The following EPB41L1 variants were observed in gnomAD, a reference collection of about 807,000 sequenced individuals.
EPB41L1 encodes band 4.1-like protein 1.
A neutral mutation model predicts 97.8 loss-of-function variants in EPB41L1; 29 were observed. The ratio of observed to expected loss-of-function variants is 0.30; its 90% confidence interval spans 0.22 to 0.40. EPB41L1 has a LOEUF of 0.40. EPB41L1 is among the 10% of genes least tolerant of loss of function. The pLI is 1.00. For synonymous variants in EPB41L1, 383 were observed against 459.2 expected (o/e 0.83, Z 2.12); for missense variants, 812 against 1,162.3 (o/e 0.70, Z 4.38).
At chr20:36,100,805 A>G (rs113083975) in intron 1 of EPB41L1, among the ~76,000 whole-genome samples, 3,189 of 152,258 alleles carry the variant, frequency 0.021, 117 homozygotes, top group African/African-American at 0.073. Context: ...TTGACTCTGA[A>G]AGAAGGGCTT....
chr20:36,187,654 G>T, intron 7 of EPB41L1, 22 bp from the exon 8 acceptor site: 4 of 1,608,610 alleles, frequency 2.5e-6, no homozygotes, highest in Non-Finnish European at 3.4e-6. Context: ...TTGGTCACCT[G>T]TGATCACTTT....
intron 1 of EPB41L1, among the ~76,000 whole-genome samples, chr20:36,157,085 G>A (rs897231476): frequency 2.6e-5 from 4 of 152,158 alleles, no homozygotes; most frequent in African/African-American, 7.2e-5. Flanking sequence ...TTAGCTGGGC[G>A]TGGTAGTGCA....
At chr20:36,182,758 C>A (rs931246290) in intron 6 of EPB41L1, among the ~76,000 whole-genome samples, 45 of 152,172 alleles carry the variant, frequency 3.0e-4, no homozygotes, top group African/African-American at 1.1e-3. Flanking sequence ...TTTAAAAAAA[C>A]ATAGCATGGG....
chr20:36,118,288 G>A (rs536191312), intron 2 of EPB41L1, among the ~76,000 whole-genome samples: 5 of 152,024 alleles, frequency 3.3e-5, no homozygotes, highest in East Asian at 1.9e-4. Flanking sequence ...GACCTGGGAG[G>A]TGGAGGTTGC....
At chr20:36,111,957 CT>C (rs2058419215) in intron 1 of EPB41L1, among the ~76,000 whole-genome samples, 1 of 152,152 alleles carries the variant, frequency 6.6e-6, no homozygotes, top group Non-Finnish European at 1.5e-5. Context: ...GCTCTCCCTT[CT>C]CCCCATACAT....
intron 1 of EPB41L1, among the ~76,000 whole-genome samples, chr20:36,159,259 CT>C (rs983036816): frequency 5.3e-5 from 8 of 152,172 alleles, no homozygotes; most frequent in African/African-American, 1.9e-4. Context: ...TGAATTATTT[CT>C]TTTGAATAAA....
chr20:36,229,153 G>C (rs2064363343), intron 21 of EPB41L1, among the ~76,000 whole-genome samples, 179 bp from the exon 22 acceptor site: 1 of 152,042 alleles, frequency 6.6e-6, no homozygotes, highest in Non-Finnish European at 1.5e-5. Flanking sequence ...TGGGATTACA[G>C]GTGCAAGTCA....
At position 36,188,641 on chromosome 20, in the gene EPB41L1, C is replaced by CAGAG. The variant is rs112151910; in HGVS notation, c.1026+167_1026+170dup. On this transcript the variant is annotated intron_variant, in intron 9 of 21. Coordinates refer to ENST00000338074, the MANE Select transcript of EPB41L1 (RefSeq NM_012156.2). ...ACACACACACACACACACACACACACAGAGAGAGAGAGAGAGAGAGAGAGA... is the reference window on the plus strand; with the variant it reads ...ACACACACACACACACACACACACACAGAGAGAGAGAGAGAGAGAGAGAGAGAGA... 59 of 273,778 alleles carry CAGAG rather than the reference C, an allele frequency of 2.2e-4. No individual in the cohort carries two copies. In the East Asian group the frequency reaches 2.2e-3, roughly 10 times the overall value. 17.0% of individuals were successfully genotyped at this position (273,778 alleles called of 1,614,324 possible). A position where few individuals can be genotyped will look rare whatever the true frequency, so the allele number is the denominator to read the frequency against.
intron 1 of EPB41L1, among the ~76,000 whole-genome samples, chr20:36,170,646 G>GGCA (rs749708915): frequency 7.2e-5 from 11 of 152,164 alleles, no homozygotes; most frequent in Non-Finnish European, 1.3e-4. Flanking sequence ...GTTTGCTTGA[G>GGCA]GCAGCCAAGT....
chr20:36,112,645 T>C (rs1340948291), intron 2 of EPB41L1, among the ~76,000 whole-genome samples: 1 of 152,244 alleles, frequency 6.6e-6, no homozygotes, highest in Non-Finnish European at 1.5e-5. Context: ...GGGGCCATGC[T>C]GGGGACCCTC....
intron 1 of EPB41L1, among the ~76,000 whole-genome samples, chr20:36,166,966 G>A (rs560270539): frequency 6.6e-6 from 1 of 152,290 alleles, no homozygotes; most frequent in East Asian, 1.9e-4. Flanking sequence ...ATAGATAGTG[G>A]TGATTTTTGC....
chr20:36,207,838 C>CGCAT lies in EPB41L1; in HGVS notation c.1669-1647_1669-1644dup. 11 of 1,244,220 alleles carry CGCAT rather than the reference C, an allele frequency of 8.8e-6. No homozygotes were observed. The highest frequency in any genetic ancestry group is 1.0e-5 in the Non-Finnish European group (10 of 965,626). 77.1% of individuals were successfully genotyped at this position (1,244,220 alleles called of 1,614,324 possible). A position where few individuals can be genotyped will look rare whatever the true frequency, so the allele number is the denominator to read the frequency against. On this transcript the variant is annotated intron_variant, in intron 14 of 21. Transcript: ENST00000338074. This position sits in a 1 kb window ranked among gnomAD's most constrained non-coding sequence, Gnocchi z 4.9. The stretch of plus-strand genomic sequence containing the variant: ...CTGCTCCCCGCCCATGGGGGCTGGC[C>CGCAT]GCATGCTCTGTAGTTTTTAGAAGCA...
chr20:36,099,766 A>G (rs949477079), intron 1 of EPB41L1, among the ~76,000 whole-genome samples: 4 of 152,176 alleles, frequency 2.6e-5, no homozygotes, highest in African/African-American at 7.2e-5. Flanking sequence ...GGTAATTGGA[A>G]CACCTTATCT....
chr20:36,106,067 T>G (rs1053512938), intron 1 of EPB41L1, among the ~76,000 whole-genome samples: 1 of 149,852 alleles, frequency 6.7e-6, no homozygotes, highest in Admixed American at 6.6e-5. Context: ...TTAGGGGAGG[T>G]GTGGGGGAGG....
intron 2 of EPB41L1, among the ~76,000 whole-genome samples, chr20:36,130,706 A>G (rs1194157302): frequency 1.3e-5 from 2 of 151,922 alleles, no homozygotes; most frequent in Non-Finnish European, 2.9e-5. Context: ...TGCTATGCCA[A>G]CCTTTAACCC....
At chr20:36,101,155 G>T (rs1601209788) in intron 1 of EPB41L1, among the ~76,000 whole-genome samples, 1 of 152,176 alleles carries the variant, frequency 6.6e-6, no homozygotes, top group African/African-American at 2.4e-5. Context: ...GCTCAGTGAC[G>T]GGTGGAACTC....
chr20:36,122,833 AGACAGCCACGTTGTAT>A (rs2058799124), intron 2 of EPB41L1: 1 of 152,154 alleles, frequency 6.6e-6, no homozygotes, highest in South Asian at 2.1e-4. Flanking sequence ...AGTGATCCTC[AGACAGCCACGTTGTAT>A]GATTCTAGTT....
rs561886784 is a variant in EPB41L1, at chr20:36,117,430, T to A, written c.-10+4950T>A. ...GGCAGAGGACAGAAGAATTCTTTCA[T>A]AATTCTTCTGTCCTTAGGATCCTTC... On this transcript the variant is annotated intron_variant, in intron 2 of 19. Coordinates refer to the EPB41L1 transcript ENST00000202028. Among the ~76,000 whole-genome samples, 3 of 151,966 alleles carry A rather than the reference T, an allele frequency of 2.0e-5. No homozygotes were observed. The South Asian group carries it at 6.2e-4, about 31-fold the overall frequency.
chr20:36,126,245 G>A (rs1320053162), intron 2 of EPB41L1, among the ~76,000 whole-genome samples: 1 of 152,142 alleles, frequency 6.6e-6, no homozygotes, highest in Non-Finnish European at 1.5e-5. Context: ...GTGGCAGCTT[G>A]GCCTCCTTTG....
Sources: gnomAD v4.1 joint callset for allele counts (sites outside exome capture counted in the v4.1 genomes callset) on GRCh38, gnomAD v4.1.1 for gene constraint, Gnocchi (gnomAD v3.1) non-coding constraint, MANE v1.5 for transcripts, NCBI Gene and HGNC (gene_info 2026-07-23, HGNC 2026-07-21) for gene names.